TMEM108: variants seen among roughly 807,000 people sequenced by gnomAD.
TMEM108 encodes the protein cancer/testis antigen 124.
A neutral mutation model predicts 35.1 loss-of-function variants in TMEM108; 12 were observed. The observed-to-expected ratio is 0.34, with a 90% CI of 0.22 to 0.55. The LOEUF (loss-of-function observed/expected upper bound fraction) is 0.55, where lower values mean the gene tolerates loss of function less well. Among genes scored for constraint, TMEM108 ranks in the 20% least tolerant of loss-of-function variants. The pLI is 0.89. For synonymous variants in TMEM108, 287 were observed against 308.6 expected, an observed-to-expected ratio of 0.93 and a Z score of 0.73; for missense variants, 680 against 753.3, an observed-to-expected ratio of 0.90 and a Z score of 1.14.
intron 2 of TMEM108, among the ~76,000 whole-genome samples, chr3:133,053,513 C>T (rs1448503169): frequency 6.6e-6 from 1 of 152,198 alleles, no homozygotes; most frequent in African/African-American, 2.4e-5. Flanking sequence ...AAGGGGCCTA[C>T]ATAGCCTATT....
chr3:133,138,426 G>A (rs1011053071), intron 2 of TMEM108, among the ~76,000 whole-genome samples: 1 of 152,152 alleles, frequency 6.6e-6, no homozygotes, highest in Non-Finnish European at 1.5e-5. Context: ...GGCTGCATGC[G>A]GCGGCCCAGG....
chr3:133,214,579 G>A (rs1945879277), intron 2 of TMEM108, among the ~76,000 whole-genome samples: 1 of 152,106 alleles, frequency 6.6e-6, no homozygotes, highest in Admixed American at 6.5e-5. Context: ...TAGGTTGTTG[G>A]TTATCATCAC....
At chr3:133,275,455 A>G (rs776230839) in intron 3 of TMEM108, among the ~76,000 whole-genome samples, 2 of 152,214 alleles carry the variant, frequency 1.3e-5, no homozygotes, top group African/African-American at 2.4e-5. Context: ...TTACACTTAC[A>G]TTGCATTTAA....
chr3:133,206,905 C>T (rs542321802), intron 2 of TMEM108, among the ~76,000 whole-genome samples: 6 of 152,332 alleles, frequency 3.9e-5, no homozygotes, highest in Middle Eastern at 3.4e-3. Flanking sequence ...GGCCCACAGC[C>T]GGCCCTTCCC....
At chr3:133,097,484 A>G (rs1275948901) in intron 2 of TMEM108, among the ~76,000 whole-genome samples, 2 of 152,170 alleles carry the variant, frequency 1.3e-5, no homozygotes, top group Admixed American at 1.3e-4. Context: ...CTATAAGTTG[A>G]TTTACAGTTA....
intron 2 of TMEM108, among the ~76,000 whole-genome samples, chr3:133,071,032 C>T (rs897857659): frequency 6.6e-6 from 1 of 152,064 alleles, no homozygotes; most frequent in African/African-American, 2.4e-5. Flanking sequence ...CTCTCTGTTA[C>T]CAGCATATTG....
chr3:133,242,027 A>ACT (rs921392681), intron 3 of TMEM108, among the ~76,000 whole-genome samples: 8 of 151,758 alleles, frequency 5.3e-5, no homozygotes, highest in African/African-American at 1.9e-4. Context: ...GGGAGGCCAC[A>ACT]CTCTCTCTGA....
At chr3:133,248,262 C>G (rs1946415349) in intron 3 of TMEM108, 1 of 151,978 alleles carries the variant, frequency 6.6e-6, no homozygotes, top group East Asian at 1.9e-4. Context: ...TCCTGACAAG[C>G]CTGTTGATAG....
rs1300842243 is a variant in TMEM108 at position 133,379,582 on chromosome 3, C to CCCCA, written c.41-169_41-166dup. ...AGGCAGCACCTACCTAATAGACCTG[C>CCCCA]CCCAGCTCCACAGACAGTTCTGGTT... On this transcript the variant is annotated intron_variant, in intron 3 of 5. Transcript: ENST00000321871. The CCCCA allele has an allele frequency of 4.4e-6, 3 of 678,632 alleles. No homozygotes were observed. In the African/African-American group the frequency reaches 5.3e-5, roughly 12 times the overall value. 42.0% of individuals were successfully genotyped at this position (678,632 alleles called of 1,614,324 possible).
At chr3:133,387,237 A>T in intron 4 of TMEM108, 1 of 985,444 alleles carries the variant, frequency 1.0e-6, no homozygotes. Context: ...TGCATCCATG[A>T]TCTCTTTAAT....
chr3:133,161,482 A>G (rs1944961056), intron 2 of TMEM108, among the ~76,000 whole-genome samples: 1 of 152,206 alleles, frequency 6.6e-6, no homozygotes, highest in Non-Finnish European at 1.5e-5. Context: ...AGTGCCTGGA[A>G]CATAGTAGAT....
intron 2 of TMEM108, among the ~76,000 whole-genome samples, chr3:133,061,556 G>T (rs1576297894): frequency 6.6e-6 from 1 of 152,146 alleles, no homozygotes; most frequent in Non-Finnish European, 1.5e-5. Flanking sequence ...TTTAAAACAT[G>T]CATTGCCCTA....
chr3:133,347,929 A>G (rs11925242), intron 3 of TMEM108, among the ~76,000 whole-genome samples: 46,478 of 151,982 alleles, frequency 0.31, 7,842 homozygotes, highest in East Asian at 0.47. Context: ...ATCACATTCT[A>G]TCTCAAAGGG....
intron 2 of TMEM108, among the ~76,000 whole-genome samples, chr3:133,120,050 C>T (rs1944334049): frequency 6.6e-6 from 1 of 152,146 alleles, no homozygotes; most frequent in South Asian, 2.1e-4. Flanking sequence ...TAGATTCCAG[C>T]CCAAGATAGA....
At chr3:133,183,119 T>C (rs1945370916) in intron 2 of TMEM108, among the ~76,000 whole-genome samples, 1 of 152,152 alleles carries the variant, frequency 6.6e-6, no homozygotes, top group East Asian at 1.9e-4. Context: ...GATCTTTGAG[T>C]GTCACGTTGA....
intron 2 of TMEM108, among the ~76,000 whole-genome samples, chr3:133,202,005 T>A (rs148429440): frequency 0.012 from 1,768 of 152,268 alleles, 32 homozygotes; most frequent in African/African-American, 0.039. Context: ...ACTGGCATGA[T>A]ATGATATCTC....
chr3:133,395,079 C>T (rs973514387), intron 5 of TMEM108, among the ~76,000 whole-genome samples: 1 of 152,198 alleles, frequency 6.6e-6, no homozygotes, highest in Admixed American at 6.5e-5. Flanking sequence ...TAAATGTTTG[C>T]TTGTCCTTGG....
At chr3:133,139,200 G>T (rs564835054) in intron 2 of TMEM108, among the ~76,000 whole-genome samples, 1 of 152,184 alleles carries the variant, frequency 6.6e-6, no homozygotes, top group Non-Finnish European at 1.5e-5. Flanking sequence ...CTTTGCTGTT[G>T]TGAATAGTGC....
chr3:133,241,836 A>T (rs1039010832), intron 3 of TMEM108, among the ~76,000 whole-genome samples: 2 of 149,330 alleles, frequency 1.3e-5, no homozygotes, highest in East Asian at 4.0e-4. Flanking sequence ...CTGGTCTCAA[A>T]CTCCTGACCT....
Sources: allele counts gnomAD v4.1 joint callset (sites outside exome capture counted in the v4.1 genomes callset), GRCh38; gene constraint gnomAD v4.1.1; transcripts MANE v1.5; gene names NCBI Gene and HGNC (gene_info 2026-07-23, HGNC 2026-07-21).